GEMIN7: variants seen among roughly 807,000 people sequenced by gnomAD.
GEMIN7 encodes the protein gem-associated protein 7.
In GEMIN7, 7 loss-of-function variants were observed where a neutral mutation model predicts 7.8. The observed-to-expected ratio is 0.90, with a 90% CI of 0.51 to 1.69. The LOEUF (loss-of-function observed/expected upper bound fraction) is 1.69, where lower values mean the gene tolerates loss of function less well. GEMIN7 is among the 40% of genes most tolerant of loss of function. The pLI is 0.00. For missense variants in GEMIN7, 159 were observed against 176.2 expected (o/e 0.90, Z 0.55); for synonymous variants, 68 against 72.4 (o/e 0.94, Z 0.31).
At chr19:45,086,525 A>G (rs1472068672) in intron 2 of GEMIN7, among the ~76,000 whole-genome samples, 1 of 152,118 alleles carries the variant, frequency 6.6e-6, no homozygotes, top group East Asian at 1.9e-4. Flanking sequence ...CATGTGCCAA[A>G]CATGGTAGGT....
At chr19:45,087,111 C>T (rs1293424353) in intron 2 of GEMIN7, among the ~76,000 whole-genome samples, 1 of 151,912 alleles carries the variant, frequency 6.6e-6, no homozygotes, top group East Asian at 1.9e-4. Context: ...TCCCAAAGTG[C>T]TGGGATTACA....
Position 45,090,801 on chromosome 19 carries a change from G to T in GEMIN7, c.*291G>T. ...CTGAAGACCGGGGCATCGGGGTGGG[G>T]TGATAAAGGATACAACCTGCACAGG... On this transcript the variant is annotated 3_prime_UTR_variant, in exon 3 of 3. Transcript: ENST00000270257. 2.6e-6 allele frequency: 1 copy of T among 379,126 alleles called. No individual in the cohort carries two copies. Among genetic ancestry groups the T allele is most frequent in the Non-Finnish European group, 5.1e-6 (1 of 197,388 alleles). The allele number at this position is 379,126 out of a possible 1,614,324, so 23.5% of individuals were successfully genotyped here. A position where few individuals can be genotyped will look rare whatever the true frequency, so the allele number is the denominator to read the frequency against.
At chr19:45,087,925 G>A (rs940999111) in intron 2 of GEMIN7, among the ~76,000 whole-genome samples, 2 of 150,520 alleles carry the variant, frequency 1.3e-5, no homozygotes, top group African/African-American at 4.9e-5. Context: ...GTGTGTGTGT[G>A]TATATATAGA....
intron 2 of GEMIN7, among the ~76,000 whole-genome samples, chr19:45,087,820 T>A (rs1424131311): frequency 6.6e-6 from 1 of 151,780 alleles, no homozygotes; most frequent in Non-Finnish European, 1.5e-5. Context: ...AGTGAGGAGT[T>A]GACTACAGTA....
In GEMIN7 at chr19:45,090,644, C is replaced by G; in HGVS notation, c.*134C>G. ...ATTTTGAGCCAAGCTTTAAGCAAGTCTGGACTCCTGAGACCTCCTGGGTCT... is the reference window on the plus strand; with the variant it reads ...ATTTTGAGCCAAGCTTTAAGCAAGTGTGGACTCCTGAGACCTCCTGGGTCT... On this transcript the variant is annotated 3_prime_UTR_variant, in exon 3 of 3. Coordinates refer to ENST00000270257, the MANE Select transcript of GEMIN7 (RefSeq NM_024707.3). 1 of 801,378 alleles carries G rather than the reference C, an allele frequency of 1.2e-6. No individual in the cohort carries two copies. The highest frequency in any genetic ancestry group is 1.8e-5 in the South Asian group (1 of 56,034). 49.6% of individuals were successfully genotyped at this position (801,378 alleles called of 1,614,324 possible). A position where few individuals can be genotyped will look rare whatever the true frequency, so the allele number is the denominator to read the frequency against.
intron 2 of GEMIN7, among the ~76,000 whole-genome samples, chr19:45,089,176 A>G (rs1004657900): frequency 4.6e-5 from 7 of 152,038 alleles, no homozygotes; most frequent in African/African-American, 1.7e-4. Flanking sequence ...TCCTGACCTC[A>G]AGTGATTCGC....
At chr19:45,089,824 C>A (rs1454884887) in intron 2 of GEMIN7, among the ~76,000 whole-genome samples, 1 of 152,226 alleles carries the variant, frequency 6.6e-6, no homozygotes, top group Non-Finnish European at 1.5e-5. Context: ...TGGCCAGGTT[C>A]ATCTTTTGGC....
At chr19:45,075,842 T>C (rs1967336226), upstream of GEMIN7, 2 of 1,613,774 alleles carry the variant, frequency 1.2e-6, 1 homozygote, top group South Asian at 2.2e-5. Flanking sequence ...TCTGGGTGTT[T>C]GTCGGTCCAG....
upstream of GEMIN7, among the ~76,000 whole-genome samples, chr19:45,077,252 C>T (rs929289762): frequency 1.3e-5 from 2 of 152,118 alleles, no homozygotes; most frequent in African/African-American, 4.8e-5. Flanking sequence ...TTCCTGAGAC[C>T]GGAGCCTTAG....
chr19:45,080,765 GTTTTTTT>G lies in GEMIN7; in HGVS notation c.-9+747_-9+753del, dbSNP rs57306662. On this transcript the variant is annotated intron_variant, in intron 2 of 2. Transcript: ENST00000270257. ...TATGACCAAATCTCCCTTGTTTTTT[GTTTTTTT>G]TTTTTTTTTTCCTGATGGAGAAAAC... 1.7e-4 allele frequency among the ~76,000 whole-genome samples: 23 copies of G among 135,658 alleles called. 1 individual carries two copies. Among genetic ancestry groups the G allele is most frequent in the African/African-American group, 2.5e-4 (9 of 36,404 alleles). 89.0% of individuals were successfully genotyped at this position (135,658 alleles called of 152,430 possible).
intron 2 of GEMIN7, among the ~76,000 whole-genome samples, chr19:45,081,682 A>T (rs548335492): frequency 2.0e-5 from 3 of 152,130 alleles, no homozygotes; most frequent in Non-Finnish European, 4.4e-5. Flanking sequence ...GCTGGAATGC[A>T]ATGGCACGAT....
At chr19:45,080,770 T>G (rs1035357752) in intron 2 of GEMIN7, among the ~76,000 whole-genome samples, 7 of 149,860 alleles carry the variant, frequency 4.7e-5, no homozygotes, top group Non-Finnish European at 8.9e-5. Flanking sequence ...TTTTTGTTTT[T>G]TTTTTTTTTT....
chr19:45,084,493 CA>C (rs1314039293), intron 2 of GEMIN7, among the ~76,000 whole-genome samples: 10 of 152,264 alleles, frequency 6.6e-5, no homozygotes, highest in African/African-American at 2.4e-4. Flanking sequence ...GCCTCTGGCT[CA>C]CGGGTTCAAG....
In GEMIN7 at chr19:45,090,283, C is replaced by A. The variant is rs771062286; in HGVS notation, c.169C>A (p.Arg57=). The A allele has an allele frequency of 1.2e-6, 2 of 1,614,172 alleles. No homozygotes were observed. The highest frequency in any genetic ancestry group is 1.7e-6 in the Non-Finnish European group (2 of 1,180,024). Residue 57 remains arginine, a synonymous_variant, in exon 3 of 3, where the codon CGG becomes AGG. Coordinates refer to ENST00000270257, the MANE Select transcript of GEMIN7 (RefSeq NM_024707.3). ...AQESLESQEQ[R]ARAALRERYL... Reference sequence around the variant, plus strand: ...AGAATCCCTGGAATCCCAGGAGCAGCGGGCACGAGCCGCCCTTCGGGAGCG... The same window carrying A: ...AGAATCCCTGGAATCCCAGGAGCAGAGGGCACGAGCCGCCCTTCGGGAGCG...
chr19:45,088,477 T>TG (rs1967776817), intron 2 of GEMIN7: 1 of 152,004 alleles, frequency 6.6e-6, no homozygotes, highest in Non-Finnish European at 1.5e-5. Flanking sequence ...ACGAGTACAT[T>TG]GTCAAGCCTG....
chr19:45,087,913 ATG>A (rs896564916), intron 2 of GEMIN7, among the ~76,000 whole-genome samples: 3 of 150,038 alleles, frequency 2.0e-5, no homozygotes, highest in Non-Finnish European at 4.4e-5. Context: ...ATAAATAAAT[ATG>A]TGTGTGTGTG....
chr19:45,081,063 A>T (rs1272979984), intron 2 of GEMIN7, among the ~76,000 whole-genome samples: 1 of 152,218 alleles, frequency 6.6e-6, no homozygotes, highest in Non-Finnish European at 1.5e-5. Context: ...GCTTCTCGGA[A>T]GGCTGAGGTG....
At chr19:45,079,610 G>T (rs1452954824) in intron 1 of GEMIN7, among the ~76,000 whole-genome samples, 1 of 152,260 alleles carries the variant, frequency 6.6e-6, no homozygotes, top group Non-Finnish European at 1.5e-5. Flanking sequence ...CTCAGTCTGA[G>T]CCTGGAGGTG....
chr19:45,078,992 A>G (rs997077162), upstream of GEMIN7, among the ~76,000 whole-genome samples: 1 of 152,220 alleles, frequency 6.6e-6, no homozygotes, highest in Non-Finnish European at 1.5e-5. Context: ...TTAACCCAGC[A>G]GGGAGGAAGT....
Sources: gnomAD v4.1 joint callset for allele counts (sites outside exome capture counted in the v4.1 genomes callset) on GRCh38, gnomAD v4.1.1 for gene constraint, MANE v1.5 for transcripts, NCBI Gene and HGNC (gene_info 2026-07-23, HGNC 2026-07-21) for gene names.